MAP7D2: variants seen among roughly 807,000 people sequenced by gnomAD.
MAP7D2 encodes the protein MAP7 domain containing 2.
Under a neutral mutation model 63.5 loss-of-function variants are expected in MAP7D2, and 33 were observed. That is an observed-to-expected ratio of 0.52 (90% CI 0.39 to 0.70). MAP7D2 has a LOEUF of 0.70. Ranked by LOEUF, MAP7D2 falls within the 30% of genes least tolerant of loss-of-function variation. The pLI, the probability that MAP7D2 is intolerant of heterozygous loss-of-function variation, is 0.00. For synonymous variants in MAP7D2, 224 were observed against 223.7 expected, an observed-to-expected ratio of 1.00 and a Z score of -0.01; for missense variants, 626 against 604.0, an observed-to-expected ratio of 1.04 and a Z score of -0.38.
intron 1 of MAP7D2, among the ~76,000 whole-genome samples, chrX:20,091,510 A>G (rs972003842): frequency 4.9e-4 from 54 of 109,992 alleles, no homozygotes; most frequent in African/African-American, 1.6e-3. Flanking sequence ...TCTCAACTAA[A>G]AATACAAAAA....
chrX:20,023,538 G>A (rs1431161611), intron 10 of MAP7D2, among the ~76,000 whole-genome samples: 2 of 112,673 alleles, frequency 1.8e-5, no homozygotes, highest in African/African-American at 6.4e-5. Flanking sequence ...TAGGTGTGAG[G>A]TTTGAAGACT....
At chrX:20,096,529 G>A (rs2066275430) in intron 1 of MAP7D2, among the ~76,000 whole-genome samples, 1 of 109,745 alleles carries the variant, frequency 9.1e-6, no homozygotes, top group Non-Finnish European at 1.9e-5. Context: ...AGTGAAATGA[G>A]TCAGTACATT....
intron 3 of MAP7D2, among the ~76,000 whole-genome samples, chrX:20,062,711 C>T (rs1005782749): frequency 4.5e-5 from 5 of 111,832 alleles, no homozygotes; most frequent in Non-Finnish European, 9.4e-5. Flanking sequence ...TGAAGAAAAT[C>T]TATAATCCAA....
Position 20,010,824 on chromosome X carries a change from A to T in MAP7D2, c.2301T>A (p.Thr767=). The change falls in exon 16 of 17, where the codon ACT becomes ACA. Residue 767 remains threonine (T), a synonymous_variant. Transcript: ENST00000379643. ...TTTGTCAACAGAAGGTGTTGAGAGG[A>T]GTTTCTTGGCCAGGACTGTTAAATC... The part of the protein sequence containing the change: ...IEGFNSPGQE[T]PLNTFC 1 of 1,208,997 alleles carries T rather than the reference A, an allele frequency of 8.3e-7. No individual in the cohort carries two copies. The highest frequency in any genetic ancestry group is 1.1e-6 in the Non-Finnish European group (1 of 894,536).
At chrX:20,087,483 G>A (rs933862393) in intron 1 of MAP7D2, among the ~76,000 whole-genome samples, 9 of 111,930 alleles carry the variant, frequency 8.0e-5, no homozygotes, top group African/African-American at 2.9e-4. Flanking sequence ...CTCACTAGAA[G>A]CAGATGCTTC....
intron 1 of MAP7D2, among the ~76,000 whole-genome samples, chrX:20,067,657 C>A (rs1410741484): frequency 9.0e-6 from 1 of 111,228 alleles, no homozygotes; most frequent in Non-Finnish European, 1.9e-5. Context: ...TTTTTTTTTC[C>A]TAATCTCTCA....
At chrX:20,056,865 GCA>G in intron 3 of MAP7D2, 74 bp from the exon 4 acceptor site, 1 of 959,578 alleles carries the variant, frequency 1.0e-6, no homozygotes, top group Non-Finnish European at 1.5e-6. Flanking sequence ...CTGCCTCAGT[GCA>G]CAGTGTGAGT....
chrX:20,013,600 GT>G lies in MAP7D2; in HGVS notation c.1774del (p.Thr592GlnfsTer10). 8.4e-7 allele frequency: 1 copy of G among 1,194,652 alleles called. No homozygotes were observed. The highest frequency in any genetic ancestry group is 2.4e-4 in the Middle Eastern group (1 of 4,202). ...KKRIDEIMKR[T>X]RKSDVSPQVK... ...TTGTGGAGACACATCACTTTTCCTT[GT>G]TCTCTTCATGATTTCATCTATTCTC... On this transcript the variant is annotated frameshift_variant, in exon 13 of 17. Coordinates refer to ENST00000379643, the MANE Select transcript of MAP7D2 (RefSeq NM_001168465.2). LOFTEE classifies it high-confidence loss of function.
chrX:20,116,791 G>A lies in MAP7D2; in HGVS notation c.89C>T (p.Pro30Leu), dbSNP rs749627161. The A allele has an allele frequency of 5.9e-6, 7 of 1,190,197 alleles. No homozygotes were observed. In the South Asian group the frequency reaches 7.4e-5, roughly 13 times the overall value. The change falls in exon 1 of 17, where the codon CCG (proline) becomes CTG (leucine). Residue 30 changes from proline to leucine, a missense_variant. Coordinates refer to ENST00000379643, the MANE Select transcript of MAP7D2 (RefSeq NM_001168465.2). Reference sequence around the variant, plus strand: ...GGGCTGAGAGGTCCGCACCGCGCCCGGTTCTGCGATCTTCCCTGGGAGAGA... The same window carrying A: ...GGGCTGAGAGGTCCGCACCGCGCCCAGTTCTGCGATCTTCCCTGGGAGAGA... ...GTSLPGKIAE[P>L]GAVRTSQPNY...
intron 3 of MAP7D2, among the ~76,000 whole-genome samples, chrX:20,057,617 C>A (rs1195363384): frequency 8.9e-6 from 1 of 112,032 alleles, no homozygotes; most frequent in African/African-American, 3.3e-5. Context: ...CTCCCCACCA[C>A]CTCCGTGACA....
chrX:20,068,373 T>C (rs760596781), intron 1 of MAP7D2, among the ~76,000 whole-genome samples: 5 of 112,224 alleles, frequency 4.5e-5, no homozygotes, highest in East Asian at 2.8e-4. Context: ...CACATGTGGA[T>C]AAGGAAGTCT....
intron 8 of MAP7D2, among the ~76,000 whole-genome samples, chrX:20,035,063 T>C (rs1411531525): frequency 9.0e-6 from 1 of 111,587 alleles, no homozygotes; most frequent in African/African-American, 3.3e-5. Context: ...TTTTTTTCCA[T>C]AGTGCTTATC....
chrX:20,096,747 C>G (rs895167243), intron 1 of MAP7D2, among the ~76,000 whole-genome samples: 1 of 111,597 alleles, frequency 9.0e-6, no homozygotes, highest in African/African-American at 3.3e-5. Flanking sequence ...AAATTGTACA[C>G]TTAAAATGGT....
chrX:20,009,022 C>T (rs770673031), intron 16 of MAP7D2, among the ~76,000 whole-genome samples: 52 of 111,562 alleles, frequency 4.7e-4, no homozygotes, highest in Middle Eastern at 9.2e-3. Context: ...TATTAAGCCA[C>T]GTAACTGTCA....
intron 1 of MAP7D2, among the ~76,000 whole-genome samples, chrX:20,093,723 T>C (rs2066133673): frequency 1.8e-5 from 2 of 111,087 alleles, no homozygotes; most frequent in African/African-American, 6.6e-5. Flanking sequence ...TGGTCAAAAA[T>C]CTATAGAGAC....
At chrX:20,022,576 G>A (rs1253939618) in intron 10 of MAP7D2, among the ~76,000 whole-genome samples, 1 of 110,795 alleles carries the variant, frequency 9.0e-6, no homozygotes, top group Non-Finnish European at 1.9e-5. Context: ...GGAGAGAACA[G>A]AGATGCCAAT....
At chrX:20,096,741 T>A (rs1335114516) in intron 1 of MAP7D2, among the ~76,000 whole-genome samples, 3 of 111,727 alleles carry the variant, frequency 2.7e-5, no homozygotes, top group African/African-American at 9.8e-5. Flanking sequence ...GCCACTAAAT[T>A]GTACACTTAA....
chrX:20,069,706 G>C (rs2065449888), intron 1 of MAP7D2, among the ~76,000 whole-genome samples: 1 of 109,826 alleles, frequency 9.1e-6, no homozygotes, highest in African/African-American at 3.3e-5. Flanking sequence ...TTGTGATACT[G>C]TTCTATAGTT....
intron 1 of MAP7D2, among the ~76,000 whole-genome samples, chrX:20,088,491 T>G (rs1248204669): frequency 5.4e-5 from 2 of 37,260 alleles, no homozygotes; most frequent in African/African-American, 3.3e-4. Flanking sequence ...TTTTTTTTTT[T>G]TTTTTTTTTT....
Sources: allele counts gnomAD v4.1 joint callset (sites outside exome capture counted in the v4.1 genomes callset), GRCh38; gene constraint gnomAD v4.1.1; transcripts MANE v1.5; gene names NCBI Gene and HGNC (gene_info 2026-07-23, HGNC 2026-07-21).